The following SLC25A16 variants were observed in gnomAD, a reference collection of about 807,000 sequenced individuals.
The protein encoded by SLC25A16 is solute carrier family 25 member 16, also known as mitochondrial coenzyme A transporter SLC25A16.
Under a neutral mutation model 41.5 loss-of-function variants are expected in SLC25A16, and 39 were observed. That is an observed-to-expected ratio of 0.94 (90% CI 0.73 to 1.23). SLC25A16 has a LOEUF of 1.23. Ranked by LOEUF, SLC25A16 falls within the 50% of genes most tolerant of loss-of-function variation. SLC25A16 has a pLI of 0.00. For synonymous variants in SLC25A16, 146 were observed against 147.8 expected, an observed-to-expected ratio of 0.99 and a Z score of 0.09; for missense variants, 421 against 426.9, an observed-to-expected ratio of 0.99 and a Z score of 0.12.
chr10:68,499,043 A>G (rs1229362553), intron 4 of SLC25A16, among the ~76,000 whole-genome samples: 2 of 152,184 alleles, frequency 1.3e-5, no homozygotes, highest in African/African-American at 4.8e-5. Context: ...GATCTTTCAG[A>G]CTATTTTTAC....
chr10:68,522,935 A>T (rs2053272467), intron 1 of SLC25A16, among the ~76,000 whole-genome samples: 1 of 151,684 alleles, frequency 6.6e-6, no homozygotes, highest in African/African-American at 2.4e-5. Flanking sequence ...TTGCAGTGAT[A>T]ATCAGGCCAC....
intron 4 of SLC25A16, chr10:68,499,942 G>C: frequency 1.8e-6 from 1 of 568,338 alleles, no homozygotes; most frequent in Non-Finnish European, 3.3e-6. Context: ...ATACAAGGAA[G>C]AAACAATTGA....
chr10:68,518,008 C>T (rs2053188610), intron 1 of SLC25A16: 1 of 151,682 alleles, frequency 6.6e-6, no homozygotes, highest in Non-Finnish European at 1.5e-5. Flanking sequence ...GGTGGTGTGC[C>T]TCAGTACTCA....
At chr10:68,515,656 A>C (rs1452226861) in intron 2 of SLC25A16, among the ~76,000 whole-genome samples, 1 of 149,622 alleles carries the variant, frequency 6.7e-6, no homozygotes, top group Non-Finnish European at 1.5e-5. Context: ...AAATTAGCCA[A>C]GCGTGGTGGC....
intron 1 of SLC25A16, 68 bp from the exon 2 acceptor site, chr10:68,516,911 G>A (rs1408935113): frequency 1.5e-6 from 2 of 1,303,952 alleles, no homozygotes; most frequent in Non-Finnish European, 1.1e-6. Flanking sequence ...ATCATTAGTT[G>A]TTCAGCCAGC....
intron 1 of SLC25A16, 104 bp downstream of exon 1, chr10:68,527,142 C>G (rs2053349831): frequency 1.6e-6 from 2 of 1,213,776 alleles, no homozygotes; most frequent in Non-Finnish European, 2.3e-6. Flanking sequence ...AACATTGAAG[C>G]AGCCAGAGTC....
chr10:68,526,731 T>C (rs1160090500), intron 1 of SLC25A16, among the ~76,000 whole-genome samples: 1 of 152,170 alleles, frequency 6.6e-6, no homozygotes. Flanking sequence ...GTCACATCAA[T>C]AATAGGGCTT....
chr10:68,521,266 T>C (rs1285042172), intron 1 of SLC25A16, among the ~76,000 whole-genome samples: 1 of 152,084 alleles, frequency 6.6e-6, no homozygotes, highest in Non-Finnish European at 1.5e-5. Context: ...CGGCCGGCTG[T>C]GGTGGTTAAT....
chr10:68,491,206 C>T (rs2052651508), intron 6 of SLC25A16, among the ~76,000 whole-genome samples: 1 of 150,998 alleles, frequency 6.6e-6, no homozygotes, highest in African/African-American at 2.4e-5. Flanking sequence ...GCTATTAGTG[C>T]ACTGTTTTTT....
chr10:68,495,781 C>CA (rs60845242), intron 4 of SLC25A16, among the ~76,000 whole-genome samples: 2,380 of 89,624 alleles, frequency 0.027, 134 homozygotes, highest in African/African-American at 0.092. Flanking sequence ...GACTATGTCT[C>CA]AAAAAAAAAA....
intron 2 of SLC25A16, among the ~76,000 whole-genome samples, chr10:68,509,261 C>T (rs9414975): frequency 0.08 from 12,142 of 151,940 alleles, 735 homozygotes; most frequent in African/African-American, 0.16. Flanking sequence ...TGTTTGAACC[C>T]GGGAGGTGGA....
At chr10:68,527,152 C>T (rs1281081773) in intron 1 of SLC25A16, 94 bp downstream of exon 1, 8 of 1,325,424 alleles carry the variant, frequency 6.0e-6, no homozygotes, top group Non-Finnish European at 6.1e-6. Context: ...CAGCCAGAGT[C>T]CAGGAATGTC....
rs564118620 is a variant in SLC25A16 at position 68,485,901 on chromosome 10, G to T, written c.842+1243C>A. On this transcript the variant is annotated intron_variant, in intron 8 of 8. Coordinates refer to ENST00000609923, the MANE Select transcript of SLC25A16 (RefSeq NM_152707.4). ...CAAGCTCCGCCTCCTGGGTTCACACGATTCTCCTGCCTCAGCCTCCCGAGT... is the reference window on the plus strand; with the variant it reads ...CAAGCTCCGCCTCCTGGGTTCACACTATTCTCCTGCCTCAGCCTCCCGAGT... Among the ~76,000 whole-genome samples the T allele has an allele frequency of 4.3e-3, 629 of 147,476 alleles. 3 individuals carry two copies. Among genetic ancestry groups the T allele is most frequent in the Middle Eastern group, 7.5e-3 (2 of 268 alleles).
intron 2 of SLC25A16, among the ~76,000 whole-genome samples, chr10:68,510,286 C>G (rs1007428873): frequency 6.6e-6 from 1 of 151,796 alleles, no homozygotes; most frequent in Non-Finnish European, 1.5e-5. Flanking sequence ...AATCCCAGCA[C>G]TTTGAGAGGC....
Position 68,506,709 on chromosome 10 carries a change from G to A in SLC25A16, c.233C>T (p.Ser78Phe), listed in dbSNP as rs1032919456. Residue 78 changes from serine (S) to phenylalanine (F), a missense_variant, in exon 3 of 9, where the codon TCT (serine) becomes TTT (phenylalanine). Transcript: ENST00000609923. ...NHHYKHLGVFSALRAVPQKEG... is the reference protein window; with the variant it reads ...NHHYKHLGVFFALRAVPQKEG... Reference sequence around the variant, plus strand: ...TTTTTGAGGAACAGCACGCAATGCAGAAAATACTCCTATTTTTAGAGGAAA... The same window carrying A: ...TTTTTGAGGAACAGCACGCAATGCAAAAAATACTCCTATTTTTAGAGGAAA... 7.0e-6 allele frequency: 11 copies of A among 1,570,468 alleles called. No homozygotes were observed. Among genetic ancestry groups the A allele is most frequent in the Middle Eastern group, 1.9e-4 (1 of 5,148 alleles).
rs1290714292 is a variant in SLC25A16 at position 68,483,344 on chromosome 10, C to CA, written c.*87dup. 2.4e-6 allele frequency: 2 copies of CA among 828,614 alleles called. No homozygotes were observed. The highest frequency in any genetic ancestry group is 3.4e-5 in the African/African-American group (2 of 58,246). The allele number at this position is 828,614 out of a possible 1,614,324, so 51.3% of individuals were successfully genotyped here. On this transcript the variant is annotated 3_prime_UTR_variant, in exon 9 of 9. Transcript: ENST00000609923. ...GCTCTTGTGACAGGGTAAATATCCC[C>CA]ATTCAAGTAATGTTCCCCCCACAAT...
chr10:68,478,188 T>G lies in SLC25A16; in HGVS notation c.*5244A>C, dbSNP rs2133465994. The stretch of plus-strand genomic sequence containing the variant: ...ACCTGGCCAAGTAATTTAATCTCCC[T>G]AGGCCTCGATTATTCCCATCTGTCA... On this transcript the variant is annotated 3_prime_UTR_variant, in exon 9 of 9. Transcript: ENST00000609923. The G allele has an allele frequency of 6.6e-6, 1 of 152,324 alleles. No individual in the cohort carries two copies. The highest frequency in any genetic ancestry group is 2.4e-5 in the African/African-American group (1 of 41,574). The allele number at this position is 152,324 out of a possible 1,614,324, so 9.4% of individuals were successfully genotyped here. A position where few individuals can be genotyped will look rare whatever the true frequency, so the allele number is the denominator to read the frequency against.
rs546022694 is a variant in SLC25A16, at chr10:68,516,777, G to C, written c.197C>G (p.Ala66Gly). 4 of 1,610,512 alleles carry C rather than the reference G, an allele frequency of 2.5e-6. No individual in the cohort carries two copies. The South Asian group carries it at 4.4e-5, about 18-fold the overall frequency. ...PLDRVKVLLQ[A>G]HNHHYKHLGV... ...TAAATGCTTGTAATGGTGATTGTGA[G>C]CTTGTAATAAAACCTTTACTCGATC... Residue 66 changes from alanine to glycine, a missense_variant, in exon 2 of 9, where the codon GCT becomes GGT. Physicochemically the swap from Ala to Gly is moderately conservative, Grantham distance 60. Coordinates refer to ENST00000609923, the MANE Select transcript of SLC25A16 (RefSeq NM_152707.4).
intron 2 of SLC25A16, among the ~76,000 whole-genome samples, chr10:68,514,994 T>C (rs1238864125): frequency 6.6e-6 from 1 of 150,600 alleles, no homozygotes; most frequent in Non-Finnish European, 1.5e-5. Context: ...TGCCTCAGCC[T>C]CCCAAAGTAC....
Sources: allele counts gnomAD v4.1 joint callset (sites outside exome capture counted in the v4.1 genomes callset), GRCh38; gene constraint gnomAD v4.1.1; transcripts MANE v1.5; gene names NCBI Gene and HGNC (gene_info 2026-07-23, HGNC 2026-07-21).